The following DNAH9 variants were observed in gnomAD, a reference collection of about 807,000 sequenced individuals.
DNAH9 encodes DNAH9 variant protein.
A neutral mutation model predicts 471.6 loss-of-function variants in DNAH9; 345 were observed. The observed-to-expected ratio is 0.73, with a 90% CI of 0.67 to 0.80. DNAH9 has a LOEUF of 0.80. DNAH9 is among the 30% of genes least tolerant of loss of function. The probability of loss-of-function intolerance (pLI) is 0.00; values close to 1 mark genes in which losing one functional copy is unlikely to be tolerated. For synonymous variants in DNAH9, 2,093 were observed against 2,123.6 expected, an observed-to-expected ratio of 0.99 and a Z score of 0.40; for missense variants, 5,407 against 5,609.2, an observed-to-expected ratio of 0.96 and a Z score of 1.15.
At chr17:11,720,000 G>A (rs538715475) in intron 27 of DNAH9, among the ~76,000 whole-genome samples, 6 of 151,998 alleles carry the variant, frequency 3.9e-5, no homozygotes, top group Non-Finnish European at 7.4e-5. Context: ...CTGAAAGCAG[G>A]CTAATCAACC....
chr17:11,805,853 T>C (rs11078032), intron 43 of DNAH9, among the ~76,000 whole-genome samples: 104,207 of 151,652 alleles, frequency 0.69, 35,946 homozygotes, highest in African/African-American at 0.71. Flanking sequence ...ACACCTGGGC[T>C]CCAAAGAACT....
chr17:11,961,797 CT>C lies in DNAH9; in HGVS notation c.12844-69del, dbSNP rs1976207795. The C allele has an allele frequency of 2.6e-6, 4 of 1,519,742 alleles. No homozygotes were observed. The South Asian group carries it at 5.2e-5, about 20-fold the overall frequency. 94.1% of individuals were successfully genotyped at this position (1,519,742 alleles called of 1,614,324 possible). ...TGCCTGGGTGCCATGAGCCAGGGGT[CT>C]CTGAGGCCAGGTGTTTTCAGGGACT... On this transcript the variant is annotated intron_variant, in intron 67 of 68. Transcript: ENST00000262442.
At position 11,679,839 on chromosome 17, in the gene DNAH9, G is replaced by A. The variant is rs2074104170; in HGVS notation, c.3436G>A (p.Val1146Ile). 1 of 1,614,144 alleles carries A rather than the reference G, an allele frequency of 6.2e-7. No individual in the cohort carries two copies. Among genetic ancestry groups the A allele is most frequent in the Non-Finnish European group, 8.5e-7 (1 of 1,180,018 alleles). ...KVEKGDFQGL[V>I]EIMGHLMAVK... is the part of the protein sequence containing the mutation. ...TGAAAAAGGAGATTTCCAAGGCTTG[G>A]TTGAGATCATGGGACACCTTATGGC... is the stretch of plus-strand genomic sequence containing the variant. The change falls in exon 18 of 69, where the codon GTT becomes ATT. Residue 1146 changes from valine (V) to isoleucine (I), a missense_variant. Physicochemically the swap from Val to Ile is conservative, Grantham distance 29 (BLOSUM62 3). Coordinates refer to ENST00000262442, the MANE Select transcript of DNAH9 (RefSeq NM_001372.4).
At chr17:11,600,901 A>G (rs2072372205) in intron 1 of DNAH9, among the ~76,000 whole-genome samples, 1 of 152,230 alleles carries the variant, frequency 6.6e-6, no homozygotes, top group South Asian at 2.1e-4. Flanking sequence ...TTATTGTGCA[A>G]CACATCCTCA....
chr17:11,732,533 G>A (rs550636949), intron 28 of DNAH9, among the ~76,000 whole-genome samples: 1 of 152,006 alleles, frequency 6.6e-6, no homozygotes, highest in South Asian at 2.1e-4. Context: ...TCCTACAGAA[G>A]CGATTATGCT....
In DNAH9 at chr17:11,850,839, C is replaced by T. The variant is rs557129375; in HGVS notation, c.9508-3164C>T. ...TTTCCCTTCTCTTTCCATCCAATCACTCAACACATATTTTGACAAGCATTT... is the reference window on the plus strand; with the variant it reads ...TTTCCCTTCTCTTTCCATCCAATCATTCAACACATATTTTGACAAGCATTT... On this transcript the variant is annotated intron_variant, in intron 49 of 68. Transcript: ENST00000262442. Among the ~76,000 whole-genome samples the T allele has an allele frequency of 2.6e-5, 4 of 152,224 alleles. No individual in the cohort carries two copies. The South Asian group carries it at 8.3e-4, about 32-fold the overall frequency.
chr17:11,740,979 GTTTC>G (rs1320414009), intron 29 of DNAH9, among the ~76,000 whole-genome samples: 2 of 14,116 alleles, frequency 1.4e-4, no homozygotes, highest in African/African-American at 1.6e-4. Context: ...ATTAACTAAT[GTTTC>G]TTTGTCATTA....
chr17:11,766,689 G>T (rs767331971), intron 36 of DNAH9, among the ~76,000 whole-genome samples: 2 of 152,208 alleles, frequency 1.3e-5, no homozygotes, highest in Non-Finnish European at 2.9e-5. Flanking sequence ...ATTGGGCTGG[G>T]TGCGGTGGCT....
chr17:11,902,661 C>A, intron 59 of DNAH9, 58 bp from the exon 60 acceptor site: 1 of 1,512,766 alleles, frequency 6.6e-7, no homozygotes, highest in Non-Finnish European at 9.1e-7. Flanking sequence ...TCCCCCAACA[C>A]AATGCAAATG....
At chr17:11,794,456 C>T (rs1463921019) in intron 42 of DNAH9, among the ~76,000 whole-genome samples, 1 of 152,122 alleles carries the variant, frequency 6.6e-6, no homozygotes, top group African/African-American at 2.4e-5. Flanking sequence ...GTCCACTACC[C>T]AGGTCTACAT....
At position 11,905,772 on chromosome 17, in the gene DNAH9, T is replaced by G; in HGVS notation, c.11712T>G (p.Ser3904=). ...GPATPMFFIL[S]PGVDPLKDVE... is the part of the protein sequence containing the mutation. Reference sequence around the variant, plus strand: ...CCACTCCTATGTTTTTCATCCTGTCTCCAGGGGTGGACCCACTGAAGGATG... The same window carrying G: ...CCACTCCTATGTTTTTCATCCTGTCGCCAGGGGTGGACCCACTGAAGGATG... Residue 3904 remains serine (S), a synonymous_variant, in exon 61 of 69, where the codon TCT becomes TCG. Coordinates refer to ENST00000262442, the MANE Select transcript of DNAH9 (RefSeq NM_001372.4). 1 of 1,613,970 alleles carries G rather than the reference T, an allele frequency of 6.2e-7. No individual in the cohort carries two copies. The highest frequency in any genetic ancestry group is 1.1e-5 in the South Asian group (1 of 91,038).
chr17:11,776,386 A>G (rs1408018976), intron 38 of DNAH9, among the ~76,000 whole-genome samples: 2 of 151,692 alleles, frequency 1.3e-5, no homozygotes, highest in African/African-American at 4.8e-5. Context: ...AGGGGGAGAT[A>G]GAGCCCATGT....
intron 27 of DNAH9, among the ~76,000 whole-genome samples, chr17:11,723,793 G>A (rs1007929329): frequency 2.6e-5 from 4 of 151,600 alleles, no homozygotes; most frequent in African/African-American, 4.9e-5. Flanking sequence ...TCAGCCTCCC[G>A]AGTAGCTTGG....
In DNAH9 at chr17:11,936,809, G is replaced by A. The variant is rs913216734; in HGVS notation, c.12490-543G>A. Among the ~76,000 whole-genome samples the A allele has an allele frequency of 7.9e-5, 12 of 152,046 alleles. No individual in the cohort carries two copies. The South Asian group carries it at 1.7e-3, about 21-fold the overall frequency. ...TTTTTATTTGAATACCTTTCACCAGGGGCGCAAACTCTCCAGTTCGCAGCC... is the reference window on the plus strand; with the variant it reads ...TTTTTATTTGAATACCTTTCACCAGAGGCGCAAACTCTCCAGTTCGCAGCC... On this transcript the variant is annotated intron_variant, in intron 65 of 68. Transcript: ENST00000262442.
intron 67 of DNAH9, 80 bp downstream of exon 67, chr17:11,942,565 G>A (rs1310980901): frequency 1.0e-5 from 15 of 1,447,770 alleles, no homozygotes; most frequent in Non-Finnish European, 1.2e-5. Context: ...AGGAGCACTG[G>A]GGGACCTGAA....
intron 22 of DNAH9, among the ~76,000 whole-genome samples, chr17:11,697,298 T>G (rs1444858815): frequency 6.6e-6 from 1 of 152,154 alleles, no homozygotes; most frequent in Non-Finnish European, 1.5e-5. Context: ...TGTGAGCAAG[T>G]GAATGGTTAG....
chr17:11,602,109 A>ATTT (rs367956951), intron 1 of DNAH9, among the ~76,000 whole-genome samples: 6 of 150,044 alleles, frequency 4.0e-5, no homozygotes, highest in Non-Finnish European at 7.4e-5. Context: ...TGAAACTTGG[A>ATTT]TTTTTTTTTT....
At chr17:11,948,647 T>C (rs561163295) in intron 67 of DNAH9, among the ~76,000 whole-genome samples, 1 of 152,332 alleles carries the variant, frequency 6.6e-6, no homozygotes, top group Admixed American at 6.5e-5. Flanking sequence ...CTGGCCTCTA[T>C]GCCTTTGGCC....
chr17:11,883,027 T>C (rs1972778878), intron 55 of DNAH9: 1 of 985,730 alleles, frequency 1.0e-6, no homozygotes, highest in Non-Finnish European at 1.2e-6. Context: ...AGTTAGTGCT[T>C]TAGGATATGG....
Sources: gnomAD v4.1 joint callset for allele counts (sites outside exome capture counted in the v4.1 genomes callset) on GRCh38, gnomAD v4.1.1 for gene constraint, MANE v1.5 for transcripts, NCBI Gene and HGNC (gene_info 2026-07-23, HGNC 2026-07-21) for gene names.